The following MSRA variants were observed in gnomAD, a reference collection of about 807,000 sequenced individuals.
MSRA encodes methionine sulfoxide reductase A.
Under a neutral mutation model 31.3 loss-of-function variants are expected in MSRA, and 54 were observed. The observed-to-expected ratio is 1.73, with a 90% confidence interval of 1.39 to 2.17. The LOEUF (loss-of-function observed/expected upper bound fraction) is 2.17. Among genes scored for constraint, MSRA ranks in the 30% most tolerant of loss-of-function variants. The pLI is 0.00. For synonymous variants in MSRA, 169 were observed against 116.5 expected (o/e 1.45, Z -2.90); for missense variants, 507 against 300.9 (o/e 1.69, Z -5.07).
At chr8:10,343,354 G>A (rs1010834352) in intron 5 of MSRA, among the ~76,000 whole-genome samples, 9 of 152,220 alleles carry the variant, frequency 5.9e-5, no homozygotes, top group South Asian at 2.1e-4. Flanking sequence ...TGTACGTCAT[G>A]CAGGAGTGAT....
intron 5 of MSRA, among the ~76,000 whole-genome samples, chr8:10,360,832 G>C (rs980938538): frequency 1.3e-5 from 2 of 152,320 alleles, no homozygotes; most frequent in East Asian, 3.9e-4. Flanking sequence ...TGTGTATGGA[G>C]ATAATGAGTT....
chr8:10,058,128 G>A (rs1291738082), intron 1 of MSRA, among the ~76,000 whole-genome samples: 1 of 152,074 alleles, frequency 6.6e-6, no homozygotes, highest in Non-Finnish European at 1.5e-5. Flanking sequence ...TTGTTACAGT[G>A]CTTTTTTTGG....
intron 1 of MSRA, among the ~76,000 whole-genome samples, chr8:10,156,157 C>A (rs1020265061): frequency 2.0e-5 from 3 of 152,052 alleles, no homozygotes; most frequent in Non-Finnish European, 2.9e-5. Context: ...TTAGGGAGAC[C>A]AAGCAGAAAT....
intron 1 of MSRA, among the ~76,000 whole-genome samples, chr8:10,073,747 T>G (rs1228721101): frequency 1.3e-5 from 2 of 152,100 alleles, no homozygotes; most frequent in African/African-American, 2.4e-5. Context: ...TTTCTACTCT[T>G]TGTCTGTATT....
chr8:10,310,723 C>T (rs955433977), intron 4 of MSRA, among the ~76,000 whole-genome samples: 1 of 152,312 alleles, frequency 6.6e-6, no homozygotes, highest in African/African-American at 2.4e-5. Context: ...CATTGCTTGA[C>T]GGAGGTGGAA....
At chr8:10,101,294 T>A (rs1799512780) in intron 1 of MSRA, among the ~76,000 whole-genome samples, 1 of 152,198 alleles carries the variant, frequency 6.6e-6, no homozygotes, top group African/African-American at 2.4e-5. Flanking sequence ...TAGCATAGTG[T>A]CTGGTATGTA....
chr8:10,225,965 G>T (rs1246405990), intron 2 of MSRA, among the ~76,000 whole-genome samples: 1 of 152,182 alleles, frequency 6.6e-6, no homozygotes, highest in African/African-American at 2.4e-5. Flanking sequence ...GCATGCCATA[G>T]GAAAAAATGG....
intron 2 of MSRA, among the ~76,000 whole-genome samples, chr8:10,235,599 T>G (rs1811871028): frequency 2.0e-5 from 3 of 152,064 alleles, no homozygotes; most frequent in African/African-American, 4.8e-5. Context: ...AAACCCAAGG[T>G]TTGCTCTGCA....
chr8:10,372,653 A>G (rs1028957027), intron 5 of MSRA, among the ~76,000 whole-genome samples: 3 of 152,218 alleles, frequency 2.0e-5, no homozygotes, highest in Non-Finnish European at 4.4e-5. Flanking sequence ...AAACTAAGAT[A>G]TGAAAAAACC....
At position 10,377,080 on chromosome 8, in the gene MSRA, A is replaced by C. The variant is rs116548920; in HGVS notation, c.544-51068A>C. ...AAATGGGGCTACAAAGTTATGCACT[A>C]ACTTCTAGCAGTAATTCACGTTATG... On this transcript the variant is annotated intron_variant, in intron 5 of 5. Transcript: ENST00000317173. Among the ~76,000 whole-genome samples the C allele has an allele frequency of 1.4e-3, 219 of 152,354 alleles. 3 individuals carry two copies. The highest frequency in any genetic ancestry group is 5.0e-3 in the African/African-American group (208 of 41,596).
intron 5 of MSRA, among the ~76,000 whole-genome samples, chr8:10,398,665 C>T (rs1053708653): frequency 3.3e-5 from 5 of 152,198 alleles, no homozygotes; most frequent in Non-Finnish European, 7.3e-5. Flanking sequence ...GCTGCTAAGG[C>T]CTGATCTTTC....
intron 1 of MSRA, among the ~76,000 whole-genome samples, chr8:10,079,403 C>A (rs1201319649): frequency 6.6e-6 from 1 of 152,130 alleles, no homozygotes. Flanking sequence ...AATCTGCCTT[C>A]CTAGGCCTCC....
intron 5 of MSRA, among the ~76,000 whole-genome samples, chr8:10,381,874 C>A (rs1192232305): frequency 6.6e-6 from 1 of 152,154 alleles, no homozygotes; most frequent in South Asian, 2.1e-4. Context: ...GTGATCTGTT[C>A]CCTGCCCCAC....
At chr8:10,191,235 C>T (rs1477461433) in intron 1 of MSRA, among the ~76,000 whole-genome samples, 1 of 151,862 alleles carries the variant, frequency 6.6e-6, no homozygotes, top group African/African-American at 2.4e-5. Flanking sequence ...AGGAATAACC[C>T]CACCATCTTT....
At chr8:10,282,516 C>T (rs1334788558) in intron 3 of MSRA, among the ~76,000 whole-genome samples, 2 of 152,216 alleles carry the variant, frequency 1.3e-5, no homozygotes, top group African/African-American at 4.8e-5. Flanking sequence ...GGTGTCCATT[C>T]TGTGTCCCCT....
chr8:10,280,394 G>C (rs1799558569), intron 3 of MSRA, among the ~76,000 whole-genome samples: 2 of 151,386 alleles, frequency 1.3e-5, no homozygotes, highest in African/African-American at 4.9e-5. Context: ...TTCTATTGCT[G>C]TATCCCAATC....
chr8:10,203,415 A>G (rs1187668151), intron 1 of MSRA, among the ~76,000 whole-genome samples: 1 of 152,242 alleles, frequency 6.6e-6, no homozygotes, highest in East Asian at 1.9e-4. Flanking sequence ...TGTAACAGTC[A>G]TGTGCCACAT....
At chr8:10,153,835 T>TTGAAA (rs1803923925) in intron 1 of MSRA, among the ~76,000 whole-genome samples, 1 of 152,248 alleles carries the variant, frequency 6.6e-6, no homozygotes, top group African/African-American at 2.4e-5. Context: ...AATCTCATAT[T>TTGAAA]CTTAATTTCA....
At chr8:10,217,328 T>C (rs1810081715) in intron 2 of MSRA, among the ~76,000 whole-genome samples, 1 of 152,204 alleles carries the variant, frequency 6.6e-6, no homozygotes, top group South Asian at 2.1e-4. Context: ...CTCTTCTCTT[T>C]GGGCTCGTGA....
Sources: allele counts gnomAD v4.1 joint callset (sites outside exome capture counted in the v4.1 genomes callset), GRCh38; gene constraint gnomAD v4.1.1; transcripts MANE v1.5; gene names NCBI Gene and HGNC (gene_info 2026-07-23, HGNC 2026-07-21).